Variants in KDELR2 observed in about 807,000 individuals in gnomAD.
The protein encoded by KDELR2 is ER lumen protein-retaining receptor 2.
In KDELR2, 15 loss-of-function variants were observed where a neutral mutation model predicts 23.9. That is an observed-to-expected ratio of 0.63 (90% CI 0.42 to 0.97). The LOEUF (loss-of-function observed/expected upper bound fraction) is 0.97, where lower values mean the gene tolerates loss of function less well. Among genes scored for constraint, KDELR2 ranks in the 50% least tolerant of loss-of-function variants. The probability of loss-of-function intolerance (pLI) is 0.00; values close to 1 mark genes in which losing one functional copy is unlikely to be tolerated. For synonymous variants in KDELR2, 119 were observed against 106.2 expected, an observed-to-expected ratio of 1.12 and a Z score of -0.74; for missense variants, 272 against 254.6, an observed-to-expected ratio of 1.07 and a Z score of -0.46.
intron 1 of KDELR2, among the ~76,000 whole-genome samples, chr7:6,482,844 A>G (rs201381963): frequency 1.5e-5 from 1 of 67,444 alleles, no homozygotes; most frequent in Non-Finnish European, 2.5e-5. Flanking sequence ...AAAAAAAAAA[A>G]AAAAAAAAAA....
At chr7:6,482,730 C>A (rs2115336621) in intron 1 of KDELR2, 3 of 242,494 alleles carry the variant, frequency 1.2e-5, no homozygotes, top group East Asian at 1.1e-4. Flanking sequence ...TTCTTGAGTT[C>A]AACAAAAATT....
At chr7:6,470,862 C>T (rs987334160) in intron 2 of KDELR2, among the ~76,000 whole-genome samples, 1 of 152,058 alleles carries the variant, frequency 6.6e-6, no homozygotes, top group African/African-American at 2.4e-5. Flanking sequence ...CGCCTGTAAT[C>T]CTAGCACTCT....
chr7:6,468,392 C>T (rs1384716493), intron 3 of KDELR2, among the ~76,000 whole-genome samples: 4 of 152,220 alleles, frequency 2.6e-5, no homozygotes, highest in Non-Finnish European at 2.9e-5. Context: ...TGCAGTGGCT[C>T]GATCTCGGCT....
At chr7:6,463,725 AGAGT>A (rs968920014) in intron 4 of KDELR2, among the ~76,000 whole-genome samples, 3 of 151,604 alleles carry the variant, frequency 2.0e-5, no homozygotes, top group Admixed American at 1.3e-4. Context: ...CCTGAGTAAC[AGAGT>A]GAGACCCTGT....
chr7:6,468,258 A>G lies in KDELR2; in HGVS notation c.351+1338T>C, dbSNP rs574457417. 3.3e-5 allele frequency among the ~76,000 whole-genome samples: 5 copies of G among 152,274 alleles called. No individual in the cohort carries two copies. In the East Asian group the frequency reaches 9.6e-4, roughly 29 times the overall value. ...TGCCAAACCAGAAAATAAAAACAAA[A>G]AACTCCATGAAAACCTACACGATCT... On this transcript the variant is annotated intron_variant, in intron 3 of 4. Transcript: ENST00000258739.
chr7:6,477,841 G>A (rs1785788556), intron 1 of KDELR2, among the ~76,000 whole-genome samples: 1 of 152,102 alleles, frequency 6.6e-6, no homozygotes, highest in African/African-American at 2.4e-5. Context: ...TGAGGTGACG[G>A]AAATAACTAC....
At position 6,463,074 on chromosome 7, in the gene KDELR2, C is replaced by G; in HGVS notation, c.*67G>C. ...GATTTTCCGTATCAAGCATCTTATGCCTTTGCTGTGGTAAGAATTCTGTCC... is the reference window on the plus strand; with the variant it reads ...GATTTTCCGTATCAAGCATCTTATGGCTTTGCTGTGGTAAGAATTCTGTCC... On this transcript the variant is annotated 3_prime_UTR_variant, in exon 5 of 5. Transcript: ENST00000258739. 6.2e-7 allele frequency: 1 copy of G among 1,614,118 alleles called. No individual in the cohort carries two copies. Among genetic ancestry groups the G allele is most frequent in the Non-Finnish European group, 8.5e-7 (1 of 1,180,002 alleles).
At chr7:6,475,304 G>C (rs1174746228) in intron 1 of KDELR2, among the ~76,000 whole-genome samples, 1 of 152,130 alleles carries the variant, frequency 6.6e-6, no homozygotes, top group African/African-American at 2.4e-5. Flanking sequence ...GCACACACCT[G>C]TGGTCCCAGC....
At chr7:6,474,777 C>A (rs1374703864) in intron 1 of KDELR2, among the ~76,000 whole-genome samples, 2 of 152,202 alleles carry the variant, frequency 1.3e-5, no homozygotes, top group Non-Finnish European at 2.9e-5. Flanking sequence ...AATCTTCCCA[C>A]CTCGGCCTCC....
intron 1 of KDELR2, chr7:6,482,285 C>G (rs76479690): frequency 0.15 from 27,651 of 181,868 alleles, 2,479 homozygotes; most frequent in Non-Finnish European, 0.19. Flanking sequence ...AGGCATGAGC[C>G]ATCGCGGCCG....
chr7:6,471,176 G>GTTTTTT (rs1161325162), intron 2 of KDELR2, among the ~76,000 whole-genome samples: 16 of 72,616 alleles, frequency 2.2e-4, no homozygotes, highest in African/African-American at 2.6e-4. Flanking sequence ...ATTTGTTTCG[G>GTTTTTT]TTTTTTTTTT....
chr7:6,473,021 C>T lies in KDELR2; in HGVS notation c.192+1163G>A, dbSNP rs548443170. Among the ~76,000 whole-genome samples the T allele has an allele frequency of 6.5e-4, 98 of 150,814 alleles. 1 individual carries two copies. The South Asian group carries it at 0.016, about 24-fold the overall frequency. ...CTCCAGGGCTCAAGCGATCCTACCA[C>T]CTTACCCTCCTGAGTAGTTGGGACT... is the stretch of plus-strand genomic sequence containing the variant. On this transcript the variant is annotated intron_variant, in intron 2 of 4. Transcript: ENST00000258739.
chr7:6,474,563 C>T (rs1028793456), intron 1 of KDELR2, among the ~76,000 whole-genome samples: 6 of 152,182 alleles, frequency 3.9e-5, no homozygotes, highest in African/African-American at 7.2e-5. Context: ...ATCATTCAAA[C>T]GAACCTTTTA....
At chr7:6,474,133 T>C (rs748363672) in intron 2 of KDELR2, 51 bp downstream of exon 2, 16 of 1,072,876 alleles carry the variant, frequency 1.5e-5, no homozygotes, top group East Asian at 4.7e-5. Flanking sequence ...TAAGTGTCCA[T>C]AGACCTGTGC....
chr7:6,465,636 AC>A (rs1344099828), intron 4 of KDELR2, among the ~76,000 whole-genome samples: 1 of 152,152 alleles, frequency 6.6e-6, no homozygotes, highest in Non-Finnish European at 1.5e-5. Flanking sequence ...CGGCCTGACC[AC>A]CCATGAATGG....
At chr7:6,478,926 C>A (rs932148616) in intron 1 of KDELR2, among the ~76,000 whole-genome samples, 1 of 151,618 alleles carries the variant, frequency 6.6e-6, no homozygotes, top group African/African-American at 2.4e-5. Context: ...GTGGCTGGGA[C>A]TACAGGTGCC....
At chr7:6,483,255 G>A (rs1785945667) in intron 1 of KDELR2, among the ~76,000 whole-genome samples, 2 of 152,188 alleles carry the variant, frequency 1.3e-5, no homozygotes, top group South Asian at 2.1e-4. Context: ...TTATTAGATG[G>A]AGGCACTTAA....
chr7:6,483,925 C>G, intron 1 of KDELR2, 42 bp downstream of exon 1: 2 of 1,409,006 alleles, frequency 1.4e-6, no homozygotes, highest in Non-Finnish European at 1.9e-6. Context: ...CGAGACCCGG[C>G]CCCCACGCCC....
At chr7:6,475,176 G>A (rs376893155) in intron 1 of KDELR2, among the ~76,000 whole-genome samples, 2 of 152,138 alleles carry the variant, frequency 1.3e-5, no homozygotes, top group African/African-American at 4.8e-5. Context: ...AGGCATAGTG[G>A]TCATGCCTAT....
Sources: allele counts gnomAD v4.1 joint callset (sites outside exome capture counted in the v4.1 genomes callset), GRCh38; gene constraint gnomAD v4.1.1; transcripts MANE v1.5; gene names NCBI Gene and HGNC (gene_info 2026-07-23, HGNC 2026-07-21).